The following LUZP2 variants were observed in gnomAD, a reference collection of about 807,000 sequenced individuals.
The protein encoded by LUZP2 is leucine zipper protein 2.
A neutral mutation model predicts 51.6 loss-of-function variants in LUZP2; 52 were observed. The ratio of observed to expected loss-of-function variants is 1.01; its 90% CI spans 0.81 to 1.27. The LOEUF is 1.27. LUZP2 is among the 50% of genes most tolerant of loss of function. The pLI is 0.00. For synonymous variants in LUZP2, 154 were observed against 137.3 expected (o/e 1.12, Z -0.85); for missense variants, 436 against 395.4 (o/e 1.10, Z -0.87).
chr11:24,518,748 A>T (rs1268646837), intron 1 of LUZP2, among the ~76,000 whole-genome samples: 1 of 152,240 alleles, frequency 6.6e-6, no homozygotes, highest in African/African-American at 2.4e-5. Context: ...TTTGGAGGAA[A>T]GAAACTTTAT....
At chr11:24,696,675 A>G (rs1857257332) in intron 1 of LUZP2, among the ~76,000 whole-genome samples, 1 of 152,138 alleles carries the variant, frequency 6.6e-6, no homozygotes, top group Non-Finnish European at 1.5e-5. Context: ...TTTGGAATTC[A>G]GTTGGGAAGA....
At chr11:24,766,266 G>T (rs568538553) in intron 5 of LUZP2, among the ~76,000 whole-genome samples, 2 of 151,732 alleles carry the variant, frequency 1.3e-5, no homozygotes, top group African/African-American at 2.4e-5. Flanking sequence ...AATCTATTCC[G>T]CAACAATGTG....
chr11:24,692,697 A>G (rs1857113915), intron 1 of LUZP2, among the ~76,000 whole-genome samples: 1 of 152,102 alleles, frequency 6.6e-6, no homozygotes, highest in Admixed American at 6.6e-5. Flanking sequence ...CCATTTGGCT[A>G]TATATTGAGA....
intron 5 of LUZP2, among the ~76,000 whole-genome samples, chr11:24,792,993 T>G (rs1443147168): frequency 6.6e-6 from 1 of 152,208 alleles, no homozygotes; most frequent in Non-Finnish European, 1.5e-5. Context: ...TCCAGATTCA[T>G]TGTCTTTCTT....
At chr11:24,637,778 T>A (rs981652409) in intron 1 of LUZP2, among the ~76,000 whole-genome samples, 1 of 151,878 alleles carries the variant, frequency 6.6e-6, no homozygotes, top group East Asian at 1.9e-4. Flanking sequence ...TTCCTGAAGA[T>A]GTTTATCAAG....
At chr11:24,509,735 C>A (rs1850249597) in intron 1 of LUZP2, among the ~76,000 whole-genome samples, 1 of 151,526 alleles carries the variant, frequency 6.6e-6, no homozygotes, top group African/African-American at 2.4e-5. Flanking sequence ...TTGCATTTTT[C>A]TGAATACTTA....
chr11:24,561,000 A>G (rs1298526978), intron 1 of LUZP2, among the ~76,000 whole-genome samples: 3 of 152,192 alleles, frequency 2.0e-5, no homozygotes, highest in Non-Finnish European at 4.4e-5. Context: ...TATCTGGAGT[A>G]GAGACATTTT....
At chr11:24,937,778 G>T (rs190562902) in intron 7 of LUZP2, among the ~76,000 whole-genome samples, 320 of 152,068 alleles carry the variant, frequency 2.1e-3, no homozygotes, top group African/African-American at 7.3e-3. Flanking sequence ...GCGGGCGCCC[G>T]TAGTTCCAGA....
intron 10 of LUZP2, among the ~76,000 whole-genome samples, chr11:25,066,665 G>C (rs1259008874): frequency 6.6e-6 from 1 of 151,878 alleles, no homozygotes; most frequent in Non-Finnish European, 1.5e-5. Flanking sequence ...TTTATGCAGT[G>C]AGTTAGCATG....
At chr11:24,899,085 T>C (rs1022673737) in intron 5 of LUZP2, among the ~76,000 whole-genome samples, 1 of 152,182 alleles carries the variant, frequency 6.6e-6, no homozygotes, top group Non-Finnish European at 1.5e-5. Context: ...ACTATCAAAT[T>C]TTCATACGTT....
chr11:24,841,633 GA>G (rs1264151259), intron 5 of LUZP2, among the ~76,000 whole-genome samples: 1 of 151,872 alleles, frequency 6.6e-6, no homozygotes, highest in Non-Finnish European at 1.5e-5. Context: ...TCTCAAGAAA[GA>G]AAATCAATTC....
intron 5 of LUZP2, among the ~76,000 whole-genome samples, chr11:24,763,758 C>T (rs1378235533): frequency 6.6e-6 from 1 of 152,006 alleles, no homozygotes; most frequent in Admixed American, 6.6e-5. Flanking sequence ...TCCATGATAG[C>T]CTTTAAAATG....
chr11:24,670,376 C>T (rs554334921), intron 1 of LUZP2, among the ~76,000 whole-genome samples: 1 of 151,992 alleles, frequency 6.6e-6, no homozygotes, highest in Admixed American at 6.6e-5. Flanking sequence ...TGTTGTCATT[C>T]CCATTTTATG....
At chr11:24,566,792 GTATATATACATATTTATATATAACT>G (rs1414314750) in intron 1 of LUZP2, among the ~76,000 whole-genome samples, 2 of 144,048 alleles carry the variant, frequency 1.4e-5, no homozygotes, top group African/African-American at 2.5e-5. Context: ...TATATATAAT[GTATATATACATATTTATATATAACT>G]TATATATACA....
chr11:24,542,467 A>G (rs1414934830), intron 1 of LUZP2, among the ~76,000 whole-genome samples: 2 of 152,008 alleles, frequency 1.3e-5, no homozygotes. Flanking sequence ...TTTATGTAAC[A>G]TATACTCAAC....
intron 7 of LUZP2, among the ~76,000 whole-genome samples, chr11:24,934,219 T>C (rs1854533219): frequency 6.6e-6 from 1 of 152,224 alleles, no homozygotes; most frequent in South Asian, 2.1e-4. Context: ...CATCTGGATA[T>C]ATACACATGC....
intron 1 of LUZP2, among the ~76,000 whole-genome samples, chr11:24,711,238 A>T (rs1320106402): frequency 1.3e-5 from 2 of 151,982 alleles, no homozygotes; most frequent in Admixed American, 1.3e-4. Context: ...TCACGAGGTC[A>T]GGAGATCGAG....
chr11:25,070,573 A>G (rs1257708257), intron 10 of LUZP2, among the ~76,000 whole-genome samples: 3 of 151,994 alleles, frequency 2.0e-5, no homozygotes, highest in African/African-American at 7.2e-5. Context: ...AGTGGGTGAG[A>G]AACATGGGGA....
intron 10 of LUZP2, among the ~76,000 whole-genome samples, chr11:25,051,748 C>T (rs2403995): frequency 0.37 from 55,680 of 151,960 alleles, 12,488 homozygotes; most frequent in East Asian, 0.78. Context: ...GGTGTTAATT[C>T]TAAGGATGGT....
Sources: gnomAD v4.1 joint callset for allele counts (sites outside exome capture counted in the v4.1 genomes callset) on GRCh38, gnomAD v4.1.1 for gene constraint, MANE v1.5 for transcripts, NCBI Gene and HGNC (gene_info 2026-07-23, HGNC 2026-07-21) for gene names.